The following FCHSD2 variants were observed in gnomAD, a reference collection of about 807,000 sequenced individuals.
The protein encoded by FCHSD2 is F-BAR and double SH3 domains protein 2.
A neutral mutation model predicts 108.1 loss-of-function variants in FCHSD2; 38 were observed. That is an observed-to-expected ratio of 0.35 (90% confidence interval 0.27 to 0.46). The LOEUF is 0.46. FCHSD2 is among the 20% of genes least tolerant of loss of function. The probability of loss-of-function intolerance (pLI) is 1.00; values close to 1 mark genes in which losing one functional copy is unlikely to be tolerated. For synonymous variants in FCHSD2, 279 were observed against 314.7 expected (o/e 0.89, Z 1.20); for missense variants, 751 against 897.8 (o/e 0.84, Z 2.09).
chr11:73,067,883 A>T (rs1859334326), intron 3 of FCHSD2, among the ~76,000 whole-genome samples: 1 of 152,210 alleles, frequency 6.6e-6, no homozygotes, highest in Non-Finnish European at 1.5e-5. Context: ...AAGACTGGGT[A>T]ATTTATAAAG....
At chr11:73,015,250 G>A (rs1054694122) in intron 4 of FCHSD2, among the ~76,000 whole-genome samples, 10 of 152,116 alleles carry the variant, frequency 6.6e-5, no homozygotes, top group Non-Finnish European at 1.5e-4. Context: ...ATTCGTATGT[G>A]GGATATTAAC....
At chr11:73,075,833 C>A (rs1237630685) in intron 3 of FCHSD2, among the ~76,000 whole-genome samples, 2 of 151,398 alleles carry the variant, frequency 1.3e-5, no homozygotes, top group Non-Finnish European at 2.9e-5. Context: ...TCATTAAACA[C>A]GGGGGCCAGG....
chr11:72,949,632 C>T (rs555946234), intron 8 of FCHSD2, among the ~76,000 whole-genome samples: 10 of 152,256 alleles, frequency 6.6e-5, no homozygotes, highest in South Asian at 4.1e-4. Context: ...ACAATATATA[C>T]GCTTTTGTGT....
At chr11:73,092,336 T>C (rs899335694) in intron 2 of FCHSD2, among the ~76,000 whole-genome samples, 5 of 151,870 alleles carry the variant, frequency 3.3e-5, no homozygotes, top group Non-Finnish European at 2.9e-5. Context: ...GATGGGGTCT[T>C]GCTATGTTGC....
At position 72,873,050 on chromosome 11, in the gene FCHSD2, C is replaced by T. The variant is rs551410481; in HGVS notation, c.1147-5024G>A. Reference sequence around the variant, plus strand: ...AACTATTAATGTTACAAATCTTAGGCCAGGCACGGTGGCTCATGCCTATAA... The same window carrying T: ...AACTATTAATGTTACAAATCTTAGGTCAGGCACGGTGGCTCATGCCTATAA... On this transcript the variant is annotated intron_variant, in intron 12 of 19. Coordinates refer to ENST00000409418, the MANE Select transcript of FCHSD2 (RefSeq NM_014824.3). Among the ~76,000 whole-genome samples the T allele has an allele frequency of 4.5e-4, 69 of 152,140 alleles. 1 individual carries two copies. Among genetic ancestry groups the T allele is most frequent in the African/African-American group, 1.4e-3 (60 of 41,536 alleles).
chr11:72,843,810 C>A, intron 14 of FCHSD2: 1 of 336,336 alleles, frequency 3.0e-6, no homozygotes, highest in Non-Finnish European at 5.3e-6. Flanking sequence ...CACAGCGAGA[C>A]CCCCATCTCT....
intron 2 of FCHSD2, among the ~76,000 whole-genome samples, chr11:73,095,210 T>C (rs1329283737): frequency 6.6e-6 from 1 of 152,102 alleles, no homozygotes; most frequent in Non-Finnish European, 1.5e-5. Flanking sequence ...ATCAATAAAA[T>C]AAGAATAAAA....
intron 10 of FCHSD2, among the ~76,000 whole-genome samples, chr11:72,896,764 TAAAA>T (rs58159831): frequency 0.012 from 810 of 68,398 alleles, 5 homozygotes; most frequent in African/African-American, 0.044. Flanking sequence ...GGGAAAATAC[TAAAA>T]AAAAAAAAAA....
chr11:72,933,997 T>C (rs1203416034), intron 8 of FCHSD2, among the ~76,000 whole-genome samples: 1 of 149,684 alleles, frequency 6.7e-6, no homozygotes, highest in Non-Finnish European at 1.5e-5. Context: ...TAGTCCCAGC[T>C]ATTCAGGAGG....
chr11:72,977,997 T>C (rs1471762648), intron 8 of FCHSD2, among the ~76,000 whole-genome samples: 1 of 152,214 alleles, frequency 6.6e-6, no homozygotes, highest in Admixed American at 6.5e-5. Context: ...AAGGATGAGT[T>C]CATGTCCTTT....
chr11:72,988,524 T>G (rs1167817883), intron 6 of FCHSD2, among the ~76,000 whole-genome samples: 3 of 151,990 alleles, frequency 2.0e-5, no homozygotes, highest in Non-Finnish European at 4.4e-5. Context: ...TACATGGAGG[T>G]CAGTGCTTTT....
chr11:72,975,361 T>C (rs1418941742), intron 8 of FCHSD2, among the ~76,000 whole-genome samples: 2 of 152,044 alleles, frequency 1.3e-5, no homozygotes, highest in African/African-American at 4.8e-5. Context: ...TTGGGAAGGA[T>C]AGGAAGGTGG....
At chr11:73,139,345 T>C (rs1478255667) in intron 2 of FCHSD2, among the ~76,000 whole-genome samples, 1 of 152,236 alleles carries the variant, frequency 6.6e-6, no homozygotes, top group South Asian at 2.1e-4. Context: ...ATGCAAATCA[T>C]CTTCCATTCT....
At chr11:73,099,943 G>A (rs769319455) in intron 2 of FCHSD2, among the ~76,000 whole-genome samples, 1 of 152,132 alleles carries the variant, frequency 6.6e-6, no homozygotes, top group Non-Finnish European at 1.5e-5. Flanking sequence ...GGCCTTTCCC[G>A]AGCTCTAAGT....
intron 3 of FCHSD2, among the ~76,000 whole-genome samples, chr11:73,056,855 G>A (rs1859036831): frequency 6.6e-6 from 1 of 152,120 alleles, no homozygotes; most frequent in Non-Finnish European, 1.5e-5. Context: ...GGCCAAGGTG[G>A]GTGGATCACA....
chr11:72,891,394 C>T (rs1266420239), intron 10 of FCHSD2, among the ~76,000 whole-genome samples: 2 of 152,116 alleles, frequency 1.3e-5, no homozygotes, highest in African/African-American at 4.8e-5. Context: ...ATAACAATGA[C>T]AAATAAATTG....
At chr11:72,937,205 G>GAAGTTT (rs1484688182) in intron 8 of FCHSD2, among the ~76,000 whole-genome samples, 1 of 152,146 alleles carries the variant, frequency 6.6e-6, no homozygotes, top group Non-Finnish European at 1.5e-5. Context: ...AACTAAAACA[G>GAAGTTT]AAGTTTAGAT....
rs776852661 is a variant in FCHSD2 at position 72,883,585 on chromosome 11, A to G, written c.1146+3885T>C. 4.3e-4 allele frequency among the ~76,000 whole-genome samples: 65 copies of G among 152,212 alleles called. 2 individuals are homozygous for G. Among genetic ancestry groups the G allele is most frequent in the Non-Finnish European group, 8.8e-5 (6 of 68,034 alleles). On this transcript the variant is annotated intron_variant, in intron 12 of 19. Transcript: ENST00000409418. ...TGTCACTAGTCTGTAGCCAAATGCAATTCAAAACCACAGTGAGATACCATT... is the reference window on the plus strand; with the variant it reads ...TGTCACTAGTCTGTAGCCAAATGCAGTTCAAAACCACAGTGAGATACCATT...
At chr11:72,992,907 T>A (rs532737797) in intron 5 of FCHSD2, among the ~76,000 whole-genome samples, 9 of 152,088 alleles carry the variant, frequency 5.9e-5, no homozygotes, top group Admixed American at 4.6e-4. Context: ...AATTGACAAA[T>A]AGGATCTAAT....
Sources: allele counts gnomAD v4.1 joint callset (sites outside exome capture counted in the v4.1 genomes callset), GRCh38; gene constraint gnomAD v4.1.1; transcripts MANE v1.5; gene names NCBI Gene and HGNC (gene_info 2026-07-23, HGNC 2026-07-21).